DZIP3: variants seen among roughly 807,000 people sequenced by gnomAD.
DZIP3 encodes the protein E3 ubiquitin-protein ligase DZIP3.
DZIP3 carries 118 observed loss-of-function variants against 162.0 expected under a neutral mutation model. The ratio of observed to expected loss-of-function variants is 0.73; its 90% confidence interval spans 0.63 to 0.85. DZIP3 has a LOEUF of 0.85. Among genes scored for constraint, DZIP3 ranks in the 40% least tolerant of loss-of-function variants. DZIP3 has a pLI of 0.00. For synonymous variants in DZIP3, 438 were observed against 458.6 expected, an observed-to-expected ratio of 0.96 and a Z score of 0.57; for missense variants, 1,331 against 1,407.0, an observed-to-expected ratio of 0.95 and a Z score of 0.86.
intron 3 of DZIP3, 38 bp from the exon 4 acceptor site, chr3:108,611,136 G>T (rs772161785): frequency 2.0e-6 from 3 of 1,532,710 alleles, no homozygotes; most frequent in Non-Finnish European, 1.7e-6. Flanking sequence ...ATGAGAATAT[G>T]CAAACTGTGT....
intron 17 of DZIP3, 95 bp from the exon 18 acceptor site, chr3:108,651,042 T>C (rs1559758004): frequency 2.2e-6 from 1 of 448,046 alleles, no homozygotes; most frequent in Admixed American, 5.5e-5. Flanking sequence ...TGATCAAAAA[T>C]TTTTTGAGAA....
At chr3:108,683,604 A>G (rs1479388924) in intron 26 of DZIP3, among the ~76,000 whole-genome samples, 3 of 152,170 alleles carry the variant, frequency 2.0e-5, no homozygotes, top group Non-Finnish European at 4.4e-5. Context: ...CTAGATTTCC[A>G]TAACCCCCTG....
chr3:108,661,873 AT>A lies in DZIP3; in HGVS notation c.2200-3del. On this transcript the variant is annotated splice_polypyrimidine_tract_variant and splice_region_variant and intron_variant, in intron 19 of 32. Coordinates refer to ENST00000361582, the MANE Select transcript of DZIP3 (RefSeq NM_014648.4). ...AATACATGCATATTTCCTGTGCTCA[AT>A]AGGGCTCAGCTGGCAAAGTAACTAC... 1 of 1,612,378 alleles carries A rather than the reference AT, an allele frequency of 6.2e-7. No individual in the cohort carries two copies. The highest frequency in any genetic ancestry group is 8.5e-7 in the Non-Finnish European group (1 of 1,179,288).
At position 108,650,215 on chromosome 3, in the gene DZIP3, A is replaced by T. The variant is rs75820671; in HGVS notation, c.2008-922A>T. Reference sequence around the variant, plus strand: ...GCATAAAGTTGTCATGGGAGGAGCCAAAAGGGAATTTGAGAAATAATCCAT... The same window carrying T: ...GCATAAAGTTGTCATGGGAGGAGCCTAAAGGGAATTTGAGAAATAATCCAT... On this transcript the variant is annotated intron_variant, in intron 17 of 32. Coordinates refer to ENST00000361582, the MANE Select transcript of DZIP3 (RefSeq NM_014648.4). Among the ~76,000 whole-genome samples the T allele has an allele frequency of 3.8e-3, 584 of 151,986 alleles. 31 individuals are homozygous for T. The East Asian group carries it at 0.096, about 25-fold the overall frequency.
intron 12 of DZIP3, among the ~76,000 whole-genome samples, chr3:108,642,026 G>A (rs1942420881): frequency 6.6e-6 from 1 of 152,136 alleles, no homozygotes; most frequent in African/African-American, 2.4e-5. Flanking sequence ...TGTTAAATGA[G>A]TTGGGGTTTC....
intron 27 of DZIP3, 90 bp downstream of exon 27, chr3:108,684,431 A>C: frequency 6.9e-7 from 1 of 1,453,000 alleles, no homozygotes; most frequent in Non-Finnish European, 9.3e-7. Context: ...TTGTTCATTC[A>C]TTTGATATGA....
intron 24 of DZIP3, 137 bp from the exon 25 acceptor site, chr3:108,675,649 A>G: frequency 5.2e-6 from 3 of 574,230 alleles, no homozygotes. Flanking sequence ...CTTTATGTCC[A>G]TTTGAAGTAA....
chr3:108,629,091 A>G lies in DZIP3; in HGVS notation c.611A>G (p.Lys204Arg), dbSNP rs765838095. Reference sequence around the variant, plus strand: ...AATGGAGGACTGCTAGAATTTCATAAAAGCTTACAAGAAATTGGAGACAAA... The same window carrying G: ...AATGGAGGACTGCTAGAATTTCATAGAAGCTTACAAGAAATTGGAGACAAA... ...RYNGGLLEFH[K>R]SLQEIGDKND... Residue 204 changes from lysine (K) to arginine (R), a missense_variant, in exon 8 of 33, where the codon AAA becomes AGA. Around this residue, in one of 2 missense-constraint regions of DZIP3, gnomAD observed 1,278 missense variants for 1,317.1 expected, o/e 0.97. Coordinates refer to ENST00000361582, the MANE Select transcript of DZIP3 (RefSeq NM_014648.4). The G allele has an allele frequency of 6.2e-7, 1 of 1,603,170 alleles. No homozygotes were observed. The highest frequency in any genetic ancestry group is 1.1e-5 in the South Asian group (1 of 88,322).
intron 5 of DZIP3, among the ~76,000 whole-genome samples, chr3:108,622,954 A>G (rs1337000837): frequency 6.7e-6 from 1 of 150,022 alleles, no homozygotes; most frequent in Non-Finnish European, 1.5e-5. Context: ...GGCCACGACC[A>G]CTGAGACTCC....
chr3:108,658,680 C>CA (rs1319768524), intron 19 of DZIP3, among the ~76,000 whole-genome samples: 2 of 151,750 alleles, frequency 1.3e-5, no homozygotes, highest in Non-Finnish European at 2.9e-5. Flanking sequence ...AAAAACCCTT[C>CA]AAAAAATCAA....
At chr3:108,691,030 C>A in intron 32 of DZIP3, 127 bp downstream of exon 32, 2 of 709,140 alleles carry the variant, frequency 2.8e-6, no homozygotes, top group Non-Finnish European at 4.6e-6. Context: ...AAGCAGCAGC[C>A]AAAGAAGTCA....
chr3:108,596,154 C>T (rs1939701691), intron 1 of DZIP3, among the ~76,000 whole-genome samples: 1 of 152,152 alleles, frequency 6.6e-6, no homozygotes, highest in South Asian at 2.1e-4. Flanking sequence ...CCTCAAAACA[C>T]AGTGGTTGAG....
intron 27 of DZIP3, among the ~76,000 whole-genome samples, chr3:108,686,001 T>A (rs1944485119): frequency 6.6e-6 from 1 of 152,174 alleles, no homozygotes; most frequent in Non-Finnish European, 1.5e-5. Flanking sequence ...GTTCTATTTT[T>A]AAAAACTTGA....
intron 15 of DZIP3, among the ~76,000 whole-genome samples, chr3:108,647,321 G>A (rs1171992347): frequency 6.6e-6 from 1 of 151,350 alleles, no homozygotes; most frequent in Non-Finnish European, 1.5e-5. Flanking sequence ...TTCCATTTTT[G>A]TGCTATTTTT....
upstream of DZIP3, chr3:108,589,691 G>A (rs978167614): frequency 1.1e-5 from 3 of 261,266 alleles, no homozygotes; most frequent in African/African-American, 6.7e-5. Flanking sequence ...TTTCTCGGGA[G>A]AGGAATCGGT....
chr3:108,600,424 T>C (rs1576341080), intron 1 of DZIP3, among the ~76,000 whole-genome samples: 2 of 152,278 alleles, frequency 1.3e-5, no homozygotes, highest in South Asian at 4.1e-4. Context: ...CATGCATACA[T>C]TGGTATATCA....
intron 1 of DZIP3, among the ~76,000 whole-genome samples, chr3:108,596,801 A>G (rs922255301): frequency 6.6e-6 from 1 of 152,074 alleles, no homozygotes; most frequent in South Asian, 2.1e-4. Context: ...TCCTAACTTC[A>G]TGGGGCTTAT....
At chr3:108,647,183 A>C (rs1010097402) in intron 15 of DZIP3, among the ~76,000 whole-genome samples, 1 of 152,176 alleles carries the variant, frequency 6.6e-6, no homozygotes, top group African/African-American at 2.4e-5. Context: ...ACTCACAAAA[A>C]CTTCAGCAGG....
intron 1 of DZIP3, among the ~76,000 whole-genome samples, chr3:108,603,961 CCTGT>C (rs1208200408): frequency 1.3e-5 from 2 of 152,108 alleles, no homozygotes; most frequent in Non-Finnish European, 2.9e-5. Context: ...TTTACTTCTT[CCTGT>C]CTGTGGTAAA....
Sources: allele counts gnomAD v4.1 joint callset (sites outside exome capture counted in the v4.1 genomes callset), GRCh38; gene constraint gnomAD v4.1.1; regional missense constraint gnomAD v4.1.1; transcripts MANE v1.5; gene names NCBI Gene and HGNC (gene_info 2026-07-23, HGNC 2026-07-21).